Variants in MAN1A2 observed in about 807,000 individuals in gnomAD.
MAN1A2 encodes the protein mannosidase alpha class 1A member 2, also known as mannosyl-oligosaccharide 1,2-alpha-mannosidase IB.
MAN1A2 carries 26 observed loss-of-function variants against 75.7 expected under a neutral mutation model. The ratio of observed to expected loss-of-function variants is 0.34; its 90% CI spans 0.25 to 0.48. MAN1A2 has a LOEUF of 0.48. MAN1A2 is among the 20% of genes least tolerant of loss of function. The pLI is 0.99. For synonymous variants in MAN1A2, 247 were observed against 264.6 expected (o/e 0.93, Z 0.65); for missense variants, 562 against 775.5 (o/e 0.72, Z 3.27).
chr1:117,429,801 C>T lies in MAN1A2; in HGVS notation c.855+9152C>T, dbSNP rs867128028. Among the ~76,000 whole-genome samples, 100 of 86,520 alleles carry T rather than the reference C, an allele frequency of 1.2e-3. 2 individuals are homozygous for T. The highest frequency in any genetic ancestry group is 2.2e-3 in the Admixed American group (22 of 9,872). The allele number at this position is 86,520 out of a possible 152,430, so 56.8% of individuals were successfully genotyped here. On this transcript the variant is annotated intron_variant, in intron 5 of 12. Coordinates refer to ENST00000356554, the MANE Select transcript of MAN1A2 (RefSeq NM_006699.5). ...CTCCCGGACGGGGCGGCTGGCCGGGCGGGGGGCCGACACCCCCACCTCCCT... is the reference window on the plus strand; with the variant it reads ...CTCCCGGACGGGGCGGCTGGCCGGGTGGGGGGCCGACACCCCCACCTCCCT...
chr1:117,527,812 A>G lies in MAN1A2; in HGVS notation c.*4855A>G, dbSNP rs1652067199. 6.6e-6 allele frequency: 1 copy of G among 152,088 alleles called. No individual in the cohort carries two copies. The highest frequency in any genetic ancestry group is 2.4e-5 in the African/African-American group (1 of 41,452). The allele number at this position is 152,088 out of a possible 1,614,324, so 9.4% of individuals were successfully genotyped here. On this transcript the variant is annotated 3_prime_UTR_variant, in exon 13 of 13. Transcript: ENST00000356554. ...ACTCTTAGAGCTCTACAGCAAGAAT[A>G]TGATAGAATGTCTGATCTTTGTGCT... is the stretch of plus-strand genomic sequence containing the variant.
intron 1 of MAN1A2, among the ~76,000 whole-genome samples, chr1:117,370,100 A>G (rs1557921642): frequency 6.6e-6 from 1 of 152,262 alleles, no homozygotes; most frequent in Non-Finnish European, 1.5e-5. Context: ...AAATACAGAT[A>G]TGTGCCTTTT....
At chr1:117,489,333 A>G (rs1650807494) in intron 8 of MAN1A2, among the ~76,000 whole-genome samples, 2 of 152,122 alleles carry the variant, frequency 1.3e-5, no homozygotes, top group African/African-American at 4.8e-5. Context: ...ACTGGGAACC[A>G]TAATCTTGCC....
Position 117,367,897 on chromosome 1 carries a change from C to A in MAN1A2, c.-287C>A, listed in dbSNP as rs1652821708. 1 of 333,712 alleles carries A rather than the reference C, an allele frequency of 3.0e-6. No homozygotes were observed. Among genetic ancestry groups the A allele is most frequent in the African/African-American group, 2.1e-5 (1 of 47,022 alleles). The allele number at this position is 333,712 out of a possible 1,614,324, so 20.7% of individuals were successfully genotyped here. ...TTTTCTGCAGTGTGGCTTGCCTGAT[C>A]TACCCCTAGGAATGAAGAGGAGGCT... On this transcript the variant is annotated 5_prime_UTR_variant, in exon 1 of 13. Coordinates refer to ENST00000356554, the MANE Select transcript of MAN1A2 (RefSeq NM_006699.5).
Position 117,376,750 on chromosome 1 carries a change from C to T in MAN1A2, c.302+8265C>T, listed in dbSNP as rs370132601. 2.6e-5 allele frequency among the ~76,000 whole-genome samples: 4 copies of T among 152,190 alleles called. No individual in the cohort carries two copies. The South Asian group carries it at 8.3e-4, about 32-fold the overall frequency. ...TAGGTTCCACATGTGTGGATTCAAC[C>T]AACTGCAGGTTGAAAATATTCAGAA... On this transcript the variant is annotated intron_variant, in intron 1 of 12. Coordinates refer to ENST00000356554, the MANE Select transcript of MAN1A2 (RefSeq NM_006699.5).
At chr1:117,380,602 C>G (rs1054329540) in intron 1 of MAN1A2, among the ~76,000 whole-genome samples, 2 of 152,024 alleles carry the variant, frequency 1.3e-5, no homozygotes, top group African/African-American at 4.8e-5. Context: ...CTGTTTGTCC[C>G]AGCACCATTT....
intron 1 of MAN1A2, among the ~76,000 whole-genome samples, chr1:117,401,952 TA>T (rs1647442782): frequency 6.6e-6 from 1 of 152,164 alleles, no homozygotes; most frequent in Non-Finnish European, 1.5e-5. Context: ...TCTTTGCTCT[TA>T]GTCTGGAAAT....
intron 5 of MAN1A2, among the ~76,000 whole-genome samples, chr1:117,431,595 C>T (rs931946958): frequency 6.6e-6 from 1 of 151,998 alleles, no homozygotes; most frequent in Non-Finnish European, 1.5e-5. Flanking sequence ...GTATGTTTAC[C>T]AAAAATAAAT....
chr1:117,507,944 A>T (rs1651423855), intron 12 of MAN1A2, among the ~76,000 whole-genome samples: 1 of 151,700 alleles, frequency 6.6e-6, no homozygotes, highest in Admixed American at 6.6e-5. Context: ...ATTGCGAGGA[A>T]ATTAGCAGAT....
chr1:117,376,678 A>G (rs1488745571), intron 1 of MAN1A2, among the ~76,000 whole-genome samples: 2 of 152,238 alleles, frequency 1.3e-5, no homozygotes, highest in East Asian at 3.8e-4. Flanking sequence ...CATTGTGTGA[A>G]GTTGAGATCT....
intron 3 of MAN1A2, among the ~76,000 whole-genome samples, chr1:117,409,796 A>G (rs971135799): frequency 6.6e-6 from 1 of 152,076 alleles, no homozygotes; most frequent in Non-Finnish European, 1.5e-5. Flanking sequence ...AAGTCCTAGT[A>G]TCAAAACCAG....
rs765604049 is a variant in MAN1A2, at chr1:117,523,266, G to A, written c.*309G>A. ...TGTTTTTAGAGTCCTGAAGTCTGGA[G>A]GCTAGACTTCCTGAAAGCAAGTCAA... On this transcript the variant is annotated 3_prime_UTR_variant, in exon 13 of 13. Transcript: ENST00000356554. 1.9e-6 allele frequency: 1 copy of A among 515,772 alleles called. No homozygotes were observed. The allele number at this position is 515,772 out of a possible 1,614,324, so 31.9% of individuals were successfully genotyped here.
intron 12 of MAN1A2, chr1:117,515,697 T>C (rs41276586): frequency 0.076 from 11,617 of 152,746 alleles, 495 homozygotes; most frequent in Middle Eastern, 0.15. Flanking sequence ...GAGGACATTA[T>C]GCTAAGTGAA....
Position 117,525,069 on chromosome 1 carries a change from G to A in MAN1A2, c.*2112G>A, listed in dbSNP as rs751636756. The A allele has an allele frequency of 3.9e-6, 2 of 518,908 alleles. No homozygotes were observed. The highest frequency in any genetic ancestry group is 2.0e-5 in the Admixed American group (1 of 49,656). 32.1% of individuals were successfully genotyped at this position (518,908 alleles called of 1,614,324 possible). A position where few individuals can be genotyped will look rare whatever the true frequency, so the allele number is the denominator to read the frequency against. On this transcript the variant is annotated 3_prime_UTR_variant, in exon 13 of 13. Coordinates refer to ENST00000356554, the MANE Select transcript of MAN1A2 (RefSeq NM_006699.5). ...TTATTTAGAAGAATGCAGAGTAAAGGGACCTTCTTGGTTCTGCAGGAACTT... is the reference window on the plus strand; with the variant it reads ...TTATTTAGAAGAATGCAGAGTAAAGAGACCTTCTTGGTTCTGCAGGAACTT...
At chr1:117,483,935 G>A (rs146115992) in intron 8 of MAN1A2, among the ~76,000 whole-genome samples, 121 of 151,738 alleles carry the variant, frequency 8.0e-4, no homozygotes, top group African/African-American at 2.7e-3. Flanking sequence ...TCACTGGTAT[G>A]TGTTTCAGGT....
At chr1:117,434,747 C>CTGTGTGTGTG (rs61681259) in intron 5 of MAN1A2, among the ~76,000 whole-genome samples, 1 of 135,338 alleles carries the variant, frequency 7.4e-6, no homozygotes, top group Non-Finnish European at 1.6e-5. Flanking sequence ...TTGGTTACAG[C>CTGTGTGTGTG]TGTGTGTGTG....
intron 6 of MAN1A2, among the ~76,000 whole-genome samples, chr1:117,450,569 T>G (rs1228632057): frequency 2.0e-5 from 3 of 152,092 alleles, no homozygotes; most frequent in Non-Finnish European, 1.5e-5. Context: ...TCAGAGGTCT[T>G]CATGGCAGCC....
At chr1:117,448,528 G>A (rs1570752394) in intron 6 of MAN1A2, among the ~76,000 whole-genome samples, 2 of 152,232 alleles carry the variant, frequency 1.3e-5, no homozygotes, top group East Asian at 3.9e-4. Context: ...TTTTAAAAAG[G>A]ACCAAAGTGG....
rs544675226 is a variant in MAN1A2 at position 117,466,291 on chromosome 1, C to A, written c.1075-43C>A. 15 of 1,280,890 alleles carry A rather than the reference C, an allele frequency of 1.2e-5. No individual in the cohort carries two copies. In the East Asian group the frequency reaches 2.9e-4, roughly 24 times the overall value. 79.3% of individuals were successfully genotyped at this position (1,280,890 alleles called of 1,614,324 possible). On this transcript the variant is annotated intron_variant, in intron 7 of 12. Coordinates refer to ENST00000356554, the MANE Select transcript of MAN1A2 (RefSeq NM_006699.5). ...CTACATTAAAACCAAGCCTTGATGACACTTATTTTTATTAATTGCATTCTT... is the reference window on the plus strand; with the variant it reads ...CTACATTAAAACCAAGCCTTGATGAAACTTATTTTTATTAATTGCATTCTT...
Sources: allele counts gnomAD v4.1 joint callset (sites outside exome capture counted in the v4.1 genomes callset), GRCh38; gene constraint gnomAD v4.1.1; transcripts MANE v1.5; gene names NCBI Gene and HGNC (gene_info 2026-07-23, HGNC 2026-07-21).